ZFPM2: variants seen among roughly 807,000 people sequenced by gnomAD.
ZFPM2 encodes zinc finger protein ZFPM2.
In ZFPM2, 20 loss-of-function variants were observed where a neutral mutation model predicts 98.6. That is an observed-to-expected ratio of 0.20 (90% CI 0.14 to 0.29). ZFPM2 has a LOEUF of 0.29. Among genes scored for constraint, ZFPM2 ranks in the 10% least tolerant of loss-of-function variants. ZFPM2 has a pLI of 1.00. For missense variants in ZFPM2, 1,310 were observed against 1,388.6 expected (o/e 0.94, Z 0.90); for synonymous variants, 518 against 502.7 (o/e 1.03, Z -0.41).
At chr8:105,420,542 G>T (rs1373159642) in intron 2 of ZFPM2, among the ~76,000 whole-genome samples, 2 of 152,084 alleles carry the variant, frequency 1.3e-5, no homozygotes, top group Non-Finnish European at 1.5e-5. Context: ...TTGTAGCATG[G>T]TCCTTGTCTC....
chr8:105,614,903 A>T (rs1816381835), intron 4 of ZFPM2, among the ~76,000 whole-genome samples: 1 of 152,174 alleles, frequency 6.6e-6, no homozygotes, highest in Non-Finnish European at 1.5e-5. Flanking sequence ...AAATGAAGAC[A>T]GTGTCATTTT....
chr8:105,547,043 A>G (rs912478592), intron 3 of ZFPM2, among the ~76,000 whole-genome samples: 1 of 152,150 alleles, frequency 6.6e-6, no homozygotes, highest in African/African-American at 2.4e-5. Flanking sequence ...TATCTGGTGG[A>G]GGACAAAATA....
At chr8:105,340,571 A>C (rs1244812544) in intron 1 of ZFPM2, among the ~76,000 whole-genome samples, 3 of 151,972 alleles carry the variant, frequency 2.0e-5, no homozygotes, top group Non-Finnish European at 4.4e-5. Context: ...AAATCCATTT[A>C]ATGTAGTTTT....
At chr8:105,590,701 T>A (rs901946498) in intron 4 of ZFPM2, among the ~76,000 whole-genome samples, 1 of 152,212 alleles carries the variant, frequency 6.6e-6, no homozygotes, top group Non-Finnish European at 1.5e-5. Flanking sequence ...AAGAAAAAAG[T>A]ATGTGTATAC....
intron 3 of ZFPM2, among the ~76,000 whole-genome samples, chr8:105,504,148 A>G (rs1411574837): frequency 6.6e-6 from 1 of 152,190 alleles, no homozygotes; most frequent in Non-Finnish European, 1.5e-5. Context: ...CTCCCTGAGA[A>G]TTCCTGCCAA....
At chr8:105,746,225 T>A (rs985651928) in intron 5 of ZFPM2, among the ~76,000 whole-genome samples, 2 of 151,858 alleles carry the variant, frequency 1.3e-5, no homozygotes, top group African/African-American at 4.8e-5. Context: ...CTAAGGAGTA[T>A]CTAGTGTGTC....
intron 1 of ZFPM2, among the ~76,000 whole-genome samples, chr8:105,338,395 A>G (rs1223768593): frequency 2.0e-5 from 3 of 151,878 alleles, no homozygotes; most frequent in Non-Finnish European, 4.4e-5. Context: ...AGTCATTTAG[A>G]AATTGATACC....
At chr8:105,530,080 A>T (rs1450396896) in intron 3 of ZFPM2, among the ~76,000 whole-genome samples, 3 of 152,150 alleles carry the variant, frequency 2.0e-5, no homozygotes, top group African/African-American at 7.2e-5. Context: ...TGCCTTTTAC[A>T]TTCTTAAATC....
intron 5 of ZFPM2, among the ~76,000 whole-genome samples, chr8:105,668,880 A>G (rs542344162): frequency 1.3e-5 from 2 of 152,206 alleles, no homozygotes; most frequent in Non-Finnish European, 2.9e-5. Flanking sequence ...TCAAACACCT[A>G]GCAGAGTTTA....
chr8:105,521,747 T>G (rs1196894557), intron 3 of ZFPM2, among the ~76,000 whole-genome samples: 4 of 152,080 alleles, frequency 2.6e-5, no homozygotes, highest in Non-Finnish European at 5.9e-5. Flanking sequence ...TCAGCTAATT[T>G]TGTATTTTTA....
chr8:105,432,029 C>T (rs560627645), intron 2 of ZFPM2, among the ~76,000 whole-genome samples: 4 of 151,882 alleles, frequency 2.6e-5, no homozygotes, highest in Admixed American at 6.6e-5. Flanking sequence ...AGCATTTGAG[C>T]GACACCAGCC....
At chr8:105,661,110 A>G (rs1254900422) in intron 5 of ZFPM2, among the ~76,000 whole-genome samples, 1 of 152,162 alleles carries the variant, frequency 6.6e-6, no homozygotes, top group East Asian at 1.9e-4. Flanking sequence ...GATACAATAA[A>G]TATCTATAAT....
At position 105,411,075 on chromosome 8, in the gene ZFPM2, T is replaced by C. The variant is rs114183330; in HGVS notation, c.41-8069T>C. On this transcript the variant is annotated intron_variant, in intron 1 of 7. Transcript: ENST00000407775. ...TAAAAATAATAATAATTTGACACTG[T>C]GTCTAGATTTTTTTAAAATTTGCCC... 9.3e-3 allele frequency among the ~76,000 whole-genome samples: 1,417 copies of C among 152,004 alleles called. 22 individuals carry two copies. The highest frequency in any genetic ancestry group is 0.032 in the African/African-American group (1,312 of 41,504).
At position 105,801,811 on chromosome 8, in the gene ZFPM2, C is replaced by G; in HGVS notation, c.1729C>G (p.Gln577Glu). The G allele has an allele frequency of 6.2e-7, 1 of 1,613,980 alleles. No homozygotes were observed. Among genetic ancestry groups the G allele is most frequent in the Non-Finnish European group, 8.5e-7 (1 of 1,179,874 alleles). ...KKHYCSSRWQ[Q>E]MAKSPEFPSV... ...GCATTATTGCAGCAGCCGATGGCAG[C>G]AGATGGCTAAGTCCCCAGAGTTCCC... The change falls in exon 8 of 8, where the codon CAG becomes GAG. Residue 577 changes from glutamine (Q) to glutamate (E), a missense_variant. Gln to Glu is a conservative substitution (Grantham distance 29). Coordinates refer to ENST00000407775, the MANE Select transcript of ZFPM2 (RefSeq NM_012082.4).
chr8:105,561,363 G>A lies in ZFPM2; in HGVS notation c.302G>A (p.Gly101Glu), dbSNP rs199605561. ...GVETDDWDGP[G>E]ELEVFQKDGE... is the part of the protein sequence containing the mutation. ...AACACTTCTGTTCCTTTGTCTGCAG[G>A]AGAGCTGGAGGTGTTTCAGAAAGAT... The change falls in exon 4 of 8, where the codon GGA becomes GAA. Residue 101 changes from glycine (G) to glutamate (E), a missense_variant and splice_region_variant. Coordinates refer to ENST00000407775, the MANE Select transcript of ZFPM2 (RefSeq NM_012082.4). 64 of 1,612,492 alleles carry A rather than the reference G, an allele frequency of 4.0e-5. No individual in the cohort carries two copies. Among genetic ancestry groups the A allele is most frequent in the Non-Finnish European group, 5.2e-5 (61 of 1,178,968 alleles).
intron 3 of ZFPM2, among the ~76,000 whole-genome samples, chr8:105,452,419 A>G (rs1812502651): frequency 6.6e-6 from 1 of 151,930 alleles, no homozygotes; most frequent in African/African-American, 2.4e-5. Context: ...TATAAGAAAT[A>G]TCTTTGCCAT....
chr8:105,596,895 A>G (rs1815982459), intron 4 of ZFPM2, among the ~76,000 whole-genome samples: 1 of 151,564 alleles, frequency 6.6e-6, no homozygotes, highest in Non-Finnish European at 1.5e-5. Context: ...CAGGAAAGAA[A>G]CAGACATACT....
At chr8:105,612,240 A>G (rs985815392) in intron 4 of ZFPM2, among the ~76,000 whole-genome samples, 1 of 152,152 alleles carries the variant, frequency 6.6e-6, no homozygotes, top group Non-Finnish European at 1.5e-5. Flanking sequence ...TAAATAAACT[A>G]GAATATTCTA....
chr8:105,761,314 A>C (rs1390850751), intron 5 of ZFPM2, among the ~76,000 whole-genome samples: 3 of 152,022 alleles, frequency 2.0e-5, no homozygotes, highest in Non-Finnish European at 4.4e-5. Flanking sequence ...TGTGCTCCAC[A>C]TTTCCTTGAC....
Sources: gnomAD v4.1 joint callset for allele counts (sites outside exome capture counted in the v4.1 genomes callset) on GRCh38, gnomAD v4.1.1 for gene constraint, MANE v1.5 for transcripts, NCBI Gene and HGNC (gene_info 2026-07-23, HGNC 2026-07-21) for gene names.